The following DUSP19 variants were observed in gnomAD, a reference collection of about 807,000 sequenced individuals.
DUSP19 encodes dual specificity phosphatase 19, also known as dual specificity protein phosphatase 19.
DUSP19 carries 14 observed loss-of-function variants against 16.6 expected under a neutral mutation model. That is an observed-to-expected ratio of 0.84 (90% CI 0.56 to 1.32). The LOEUF (loss-of-function observed/expected upper bound fraction) is 1.32. Among genes scored for constraint, DUSP19 ranks in the 40% most tolerant of loss-of-function variants. DUSP19 has a pLI of 0.00. For synonymous variants in DUSP19, 81 were observed against 90.5 expected, an observed-to-expected ratio of 0.90 and a Z score of 0.59; for missense variants, 258 against 255.9, an observed-to-expected ratio of 1.01 and a Z score of -0.06.
In DUSP19 at chr2:183,087,285, TA is replaced by T. The variant is rs1699675040; in HGVS notation, c.426+99del. The T allele has an allele frequency of 7.4e-6, 9 of 1,219,060 alleles. No individual in the cohort carries two copies. The South Asian group carries it at 1.3e-4, about 18-fold the overall frequency. The allele number at this position is 1,219,060 out of a possible 1,614,324, so 75.5% of individuals were successfully genotyped here. ...CTTTATTATTTTTATAATGAATCTC[TA>T]AAAAACAATTATGAAATTTCCCTTC... On this transcript the variant is annotated intron_variant, in intron 3 of 3. Coordinates refer to ENST00000354221, the MANE Select transcript of DUSP19 (RefSeq NM_080876.4).
In DUSP19 at chr2:183,079,050, A is replaced by C; in HGVS notation, c.117A>C (p.Arg39Ser). ...TTATAGAAACATGGAAAGATGCCAG[A>C]ATTCATGTTGTGGAAGAAGTAGAGC... Reference protein sequence around the residue: ...KKIIETWKDARIHVVEEVEPS... With the variant: ...KKIIETWKDASIHVVEEVEPS... Residue 39 changes from arginine (R) to serine (S), a missense_variant, in exon 1 of 4, where the codon AGA becomes AGC. Transcript: ENST00000354221. The C allele has an allele frequency of 6.2e-7, 1 of 1,614,152 alleles. No homozygotes were observed. Among genetic ancestry groups the C allele is most frequent in the Non-Finnish European group, 8.5e-7 (1 of 1,180,030 alleles).
chr2:183,099,368 G>A lies in DUSP19; in HGVS notation c.*3710G>A, dbSNP rs1159709132. On this transcript the variant is annotated 3_prime_UTR_variant, in exon 4 of 4. Transcript: ENST00000354221. ...TTGATTTTTCTGCCTGAAGGATCCT[G>A]AACATATTTAGTTACCCTGTAGTTA... The A allele has an allele frequency of 6.6e-6, 1 of 152,120 alleles. No homozygotes were observed. The highest frequency in any genetic ancestry group is 2.4e-5 in the African/African-American group (1 of 41,436). The allele number at this position is 152,120 out of a possible 1,614,324, so 9.4% of individuals were successfully genotyped here.
chr2:183,095,195 A>G (rs750753369), intron 3 of DUSP19, among the ~76,000 whole-genome samples: 2 of 152,346 alleles, frequency 1.3e-5, no homozygotes, highest in South Asian at 4.1e-4. Context: ...ACATCATTAA[A>G]GCATTTCAAT....
chr2:183,093,598 C>T (rs573109808), intron 3 of DUSP19, among the ~76,000 whole-genome samples: 2 of 151,976 alleles, frequency 1.3e-5, no homozygotes, highest in African/African-American at 2.4e-5. Flanking sequence ...CAATATGATA[C>T]CTAAGGAATA....
chr2:183,097,492 T>C lies in DUSP19; in HGVS notation c.*1834T>C, dbSNP rs1007132480. ...GCATTTGAGAAGGCAGGCTTTCATA[T>C]GCTGTCATGAGCAAAAAGTAGAAGT... On this transcript the variant is annotated 3_prime_UTR_variant, in exon 4 of 4. Coordinates refer to ENST00000354221, the MANE Select transcript of DUSP19 (RefSeq NM_080876.4). The C allele has an allele frequency of 6.6e-6, 1 of 152,236 alleles. No homozygotes were observed. The highest frequency in any genetic ancestry group is 1.5e-5 in the Non-Finnish European group (1 of 68,046). 9.4% of individuals were successfully genotyped at this position (152,236 alleles called of 1,614,324 possible).
chr2:183,091,125 A>C (rs938432087), intron 3 of DUSP19, among the ~76,000 whole-genome samples: 2 of 152,056 alleles, frequency 1.3e-5, no homozygotes, highest in Non-Finnish European at 2.9e-5. Flanking sequence ...TGATTCTATA[A>C]TTTATCTTAT....
Position 183,090,832 on chromosome 2 carries a change from A to G in DUSP19, c.426+3640A>G, listed in dbSNP as rs565198947. ...CAAAAAATAGAAGACTTCCCTCCCT[A>G]TTGCACATGGACCCTATGTACAGGC... On this transcript the variant is annotated intron_variant, in intron 3 of 3. Coordinates refer to ENST00000354221, the MANE Select transcript of DUSP19 (RefSeq NM_080876.4). 3.3e-5 allele frequency among the ~76,000 whole-genome samples: 5 copies of G among 152,274 alleles called. No homozygotes were observed. The East Asian group carries it at 9.7e-4, about 29-fold the overall frequency.
chr2:183,088,597 T>C (rs758336463), intron 3 of DUSP19, among the ~76,000 whole-genome samples: 4 of 151,866 alleles, frequency 2.6e-5, no homozygotes, highest in Non-Finnish European at 4.4e-5. Context: ...TAATTTTTTG[T>C]ATTTTAGTAG....
chr2:183,079,271 T>C, intron 1 of DUSP19, 112 bp downstream of exon 1: 1 of 1,092,336 alleles, frequency 9.2e-7, no homozygotes, highest in East Asian at 2.6e-5. Context: ...GCCGAAAAGC[T>C]GAACTGTTTC....
intron 3 of DUSP19, 100 bp downstream of exon 3, chr2:183,087,292 C>A: frequency 8.3e-7 from 1 of 1,199,234 alleles, no homozygotes. Flanking sequence ...CTCTAAAAAA[C>A]AATTATGAAA....
chr2:183,079,030 G>GA lies in DUSP19; in HGVS notation c.100dup (p.Thr34AsnfsTer28), dbSNP rs1376325766. 19 of 1,614,022 alleles carry GA rather than the reference G, an allele frequency of 1.2e-5. No homozygotes were observed. The highest frequency in any genetic ancestry group is 1.6e-5 in the Non-Finnish European group (19 of 1,180,034). ...AACGCTAACTGGAAAGAAAATTATAGAAACATGGAAAGATGCCAGAATTCA... is the reference window on the plus strand; with the variant it reads ...AACGCTAACTGGAAAGAAAATTATAGAAAACATGGAAAGATGCCAGAATTCA... On this transcript the variant is annotated frameshift_variant, in exon 1 of 4. Coordinates refer to ENST00000354221, the MANE Select transcript of DUSP19 (RefSeq NM_080876.4). LOFTEE classifies it high-confidence loss of function.
At position 183,099,619 on chromosome 2, in the gene DUSP19, T is replaced by C. The variant is rs1180970882; in HGVS notation, c.*3961T>C. ...TTGATATACTTTAATAAAAATGATA[T>C]GTTTAATATTTTCCCATTAATATAT... is the stretch of plus-strand genomic sequence containing the variant. On this transcript the variant is annotated 3_prime_UTR_variant, in exon 4 of 4. Transcript: ENST00000354221. The C allele has an allele frequency of 6.6e-6, 1 of 152,236 alleles. No individual in the cohort carries two copies. Among genetic ancestry groups the C allele is most frequent in the Non-Finnish European group, 1.5e-5 (1 of 68,044 alleles). 9.4% of individuals were successfully genotyped at this position (152,236 alleles called of 1,614,324 possible). A position where few individuals can be genotyped will look rare whatever the true frequency, so the allele number is the denominator to read the frequency against.
chr2:183,086,572 G>A (rs917481428), intron 2 of DUSP19, among the ~76,000 whole-genome samples: 4 of 150,678 alleles, frequency 2.7e-5, no homozygotes, highest in African/African-American at 9.8e-5. Flanking sequence ...TGTGGGAGGC[G>A]GAAGTGGGAG....
intron 2 of DUSP19, 148 bp downstream of exon 2, chr2:183,083,702 T>A: frequency 1.7e-6 from 1 of 582,700 alleles, no homozygotes; most frequent in Non-Finnish European, 2.9e-6. Context: ...GAAAAATAAT[T>A]GGCACATAAT....
chr2:183,086,231 T>C (rs1328266940), intron 2 of DUSP19, among the ~76,000 whole-genome samples: 1 of 152,170 alleles, frequency 6.6e-6, no homozygotes, highest in Admixed American at 6.5e-5. Flanking sequence ...GCAGTCATCC[T>C]GGAGAACCAT....
chr2:183,086,937 A>T, intron 2 of DUSP19, 103 bp from the exon 3 acceptor site: 1 of 1,154,586 alleles, frequency 8.7e-7, no homozygotes, highest in Non-Finnish European at 1.2e-6. Flanking sequence ...AGTCGCATTT[A>T]AATTTTTTAC....
chr2:183,085,588 A>G (rs574958255), intron 2 of DUSP19, among the ~76,000 whole-genome samples: 9 of 146,826 alleles, frequency 6.1e-5, no homozygotes, highest in East Asian at 6.0e-4. Context: ...TGGCAAAGGG[A>G]AAAAAAAAAA....
intron 3 of DUSP19, 59 bp from the exon 4 acceptor site, chr2:183,095,372 G>T: frequency 7.2e-7 from 1 of 1,381,730 alleles, no homozygotes; most frequent in South Asian, 1.3e-5. Flanking sequence ...ATGTGCAATT[G>T]ATATAATAAC....
At chr2:183,082,519 G>A (rs1027286969) in intron 1 of DUSP19, among the ~76,000 whole-genome samples, 12 of 147,630 alleles carry the variant, frequency 8.1e-5, no homozygotes, top group African/African-American at 1.7e-4. Context: ...TGCCTCCCAG[G>A]TTTAAGCAAG....
Sources: allele counts gnomAD v4.1 joint callset (sites outside exome capture counted in the v4.1 genomes callset), GRCh38; gene constraint gnomAD v4.1.1; transcripts MANE v1.5; gene names NCBI Gene and HGNC (gene_info 2026-07-23, HGNC 2026-07-21).